The following THSD7B variants were observed in gnomAD, a reference collection of about 807,000 sequenced individuals.
The protein encoded by THSD7B is thrombospondin type-1 domain-containing protein 7B.
A neutral mutation model predicts 213.6 loss-of-function variants in THSD7B; 138 were observed. The observed-to-expected ratio is 0.65, with a 90% CI of 0.56 to 0.74. The LOEUF is 0.74. THSD7B is among the 30% of genes least tolerant of loss of function. The pLI is 0.00. For missense variants in THSD7B, 1,931 were observed against 1,991.5 expected (o/e 0.97, Z 0.58); for synonymous variants, 742 against 687.0 (o/e 1.08, Z -1.25).
intron 4 of THSD7B, among the ~76,000 whole-genome samples, chr2:137,105,241 G>A (rs1688224729): frequency 6.6e-6 from 1 of 152,168 alleles, no homozygotes; most frequent in Admixed American, 6.5e-5. Context: ...AGGGATGCAA[G>A]GCGGATTCAA....
At chr2:136,941,697 T>A (rs1684830710) in intron 2 of THSD7B, among the ~76,000 whole-genome samples, 1 of 148,586 alleles carries the variant, frequency 6.7e-6, no homozygotes, top group Non-Finnish European at 1.5e-5. Context: ...ACTTTTTGAT[T>A]TTTTTTTCTT....
chr2:137,111,852 C>T (rs1285719913), intron 4 of THSD7B, among the ~76,000 whole-genome samples: 2 of 152,118 alleles, frequency 1.3e-5, no homozygotes, highest in East Asian at 1.9e-4. Flanking sequence ...TAGCCAATTT[C>T]GAAGTTTCAT....
At chr2:137,639,344 G>A (rs1293476076) in intron 20 of THSD7B, among the ~76,000 whole-genome samples, 4 of 152,220 alleles carry the variant, frequency 2.6e-5, no homozygotes, top group Non-Finnish European at 5.9e-5. Context: ...AAGAATTGAG[G>A]TTTGGGAACC....
intron 12 of THSD7B, among the ~76,000 whole-genome samples, chr2:137,327,581 A>G (rs1558759142): frequency 6.6e-6 from 1 of 151,562 alleles, no homozygotes; most frequent in African/African-American, 2.4e-5. Context: ...TGTACTCCCC[A>G]TCTTGCTTTC....
At chr2:137,291,780 C>T (rs1683345223) in intron 12 of THSD7B, among the ~76,000 whole-genome samples, 1 of 152,038 alleles carries the variant, frequency 6.6e-6, no homozygotes, top group Non-Finnish European at 1.5e-5. Context: ...AAATGCCATA[C>T]AACCCAATTC....
At position 137,027,972 on chromosome 2, in the gene THSD7B, G is replaced by A. The variant is rs150388883; in HGVS notation, c.140-28448G>A. ...TAATGTACATATATTGCTTATCATA[G>A]TTCCCTGCACATAATAAGCATTCAG... On this transcript the variant is annotated intron_variant, in intron 2 of 27. Coordinates refer to ENST00000409968, the MANE Select transcript of THSD7B (RefSeq NM_001316349.2). Among the ~76,000 whole-genome samples the A allele has an allele frequency of 6.6e-5, 10 of 152,250 alleles. No homozygotes were observed. In the East Asian group the frequency reaches 1.9e-3, roughly 29 times the overall value.
At chr2:136,915,312 C>T (rs1684331759) in intron 2 of THSD7B, among the ~76,000 whole-genome samples, 2 of 152,298 alleles carry the variant, frequency 1.3e-5, no homozygotes, top group African/African-American at 2.4e-5. Context: ...AGTACTCAGT[C>T]CAGAGATGGA....
rs370936934 is a variant in THSD7B at position 137,272,655 on chromosome 2, G to T, written c.2389G>T (p.Val797Leu). ...GTGTGAAGATGTTTCCTTGTGTCCTGTATATCGGCAAGTAGTTACCTTTTA... is the reference window on the plus strand; with the variant it reads ...GTGTGAAGATGTTTCCTTGTGTCCTTTATATCGGCAAGTAGTTACCTTTTA... Reference protein sequence around the residue: ...RECEDVSLCPVYRWKPQKWSP... With the variant: ...RECEDVSLCPLYRWKPQKWSP... Residue 797 changes from valine (V) to leucine (L), a missense_variant, in exon 11 of 28, where the codon GTA (valine) becomes TTA (leucine). Transcript: ENST00000409968. 17 of 1,611,124 alleles carry T rather than the reference G, an allele frequency of 1.1e-5. No individual in the cohort carries two copies. In the African/African-American group the frequency reaches 1.6e-4, roughly 15 times the overall value.
At chr2:137,255,736 G>A (rs761052527) in intron 10 of THSD7B, among the ~76,000 whole-genome samples, 13 of 152,192 alleles carry the variant, frequency 8.5e-5, no homozygotes, top group East Asian at 3.9e-4. Context: ...TTAGAAACAG[G>A]GTCTGGCTTT....
Position 137,404,472 on chromosome 2 carries a change from TATAC to T in THSD7B, c.2501-1139_2501-1136del, listed in dbSNP as rs1216938920. On this transcript the variant is annotated intron_variant, in intron 12 of 27. Transcript: ENST00000409968. ...ATATATATATATATATATATATATA[TATAC>T]ACACACACACACACACACACACACA... is the stretch of plus-strand genomic sequence containing the variant. Among the ~76,000 whole-genome samples the T allele has an allele frequency of 2.2e-3, 125 of 56,762 alleles. 1 individual carries two copies. Among genetic ancestry groups the T allele is most frequent in the East Asian group, 6.5e-3 (10 of 1,550 alleles). The allele number at this position is 56,762 out of a possible 152,430, so 37.2% of individuals were successfully genotyped here. A position where few individuals can be genotyped will look rare whatever the true frequency, so the allele number is the denominator to read the frequency against.
At chr2:137,391,004 G>A (rs1252747332) in intron 12 of THSD7B, among the ~76,000 whole-genome samples, 1 of 151,878 alleles carries the variant, frequency 6.6e-6, no homozygotes, top group Admixed American at 6.6e-5. Flanking sequence ...GTGTGTGTGT[G>A]TGTTGTTGTT....
intron 12 of THSD7B, among the ~76,000 whole-genome samples, chr2:137,384,161 T>C (rs1250407441): frequency 1.3e-5 from 2 of 152,064 alleles, no homozygotes; most frequent in Non-Finnish European, 2.9e-5. Flanking sequence ...CTTCAAAGAC[T>C]CCAACTACTC....
In THSD7B at chr2:137,184,585, C is replaced by T. The variant is rs146556548; in HGVS notation, c.1723+13647C>T. ...TAAAAATGTCTATCACTTATGCAAT[C>T]TAGGGGAATTTTTTAAAATTCCACA... On this transcript the variant is annotated intron_variant, in intron 7 of 27. Coordinates refer to ENST00000409968, the MANE Select transcript of THSD7B (RefSeq NM_001316349.2). 3.4e-3 allele frequency among the ~76,000 whole-genome samples: 517 copies of T among 152,274 alleles called. 5 individuals carry two copies. The highest frequency in any genetic ancestry group is 0.012 in the African/African-American group (499 of 41,544).
chr2:136,988,995 C>A (rs1012680177), intron 2 of THSD7B, among the ~76,000 whole-genome samples: 6 of 152,106 alleles, frequency 3.9e-5, no homozygotes, highest in Admixed American at 3.9e-4. Flanking sequence ...AGACAGTGGT[C>A]AATGATACAA....
At chr2:137,453,938 A>C (rs1268651923) in intron 15 of THSD7B, among the ~76,000 whole-genome samples, 6 of 152,102 alleles carry the variant, frequency 3.9e-5, no homozygotes. Context: ...CAAATAGCAG[A>C]GTTTCTTTCT....
At chr2:137,318,786 C>CTTTTTTTTTTTTTT (rs70978212) in intron 12 of THSD7B, among the ~76,000 whole-genome samples, 2 of 73,684 alleles carry the variant, frequency 2.7e-5, no homozygotes, top group Non-Finnish European at 4.5e-5. Flanking sequence ...GAATGCTTAT[C>CTTTTTTTTTTTTTT]TTTTTTTTTT....
intron 1 of THSD7B, among the ~76,000 whole-genome samples, chr2:136,770,873 C>G (rs991798409): frequency 6.6e-6 from 1 of 152,016 alleles, no homozygotes; most frequent in African/African-American, 2.4e-5. Context: ...ATCAAAACCC[C>G]TTTCATCTGA....
rs185660121 is a variant in THSD7B, at chr2:137,272,407, G to A, written c.2267-126G>A. The A allele has an allele frequency of 7.5e-4, 673 of 895,168 alleles. 2 individuals are homozygous for A. The African/African-American group carries it at 9.7e-3, about 13-fold the overall frequency. 55.5% of individuals were successfully genotyped at this position (895,168 alleles called of 1,614,324 possible). On this transcript the variant is annotated intron_variant, in intron 10 of 27. Coordinates refer to ENST00000409968, the MANE Select transcript of THSD7B (RefSeq NM_001316349.2). ...CTCCTGGTCTTTGCTTGTTATTTTC[G>A]TTCCCAGGTTGACTTTCCACATGTG... is the stretch of plus-strand genomic sequence containing the variant.
intron 15 of THSD7B, among the ~76,000 whole-genome samples, chr2:137,526,342 C>T (rs890707640): frequency 3.9e-5 from 6 of 151,948 alleles, no homozygotes; most frequent in Admixed American, 1.3e-4. Context: ...AAAGCTGTGC[C>T]CTCAATGAGT....
Sources: allele counts gnomAD v4.1 joint callset (sites outside exome capture counted in the v4.1 genomes callset), GRCh38; gene constraint gnomAD v4.1.1; transcripts MANE v1.5; gene names NCBI Gene and HGNC (gene_info 2026-07-23, HGNC 2026-07-21).